AMPH: variants seen among roughly 807,000 people sequenced by gnomAD.
AMPH encodes the protein amphiphysin (Stiff-Mann syndrome with breast cancer 128kD autoantigen).
AMPH carries 49 observed loss-of-function variants against 99.1 expected under a neutral mutation model. The observed-to-expected ratio is 0.49, with a 90% confidence interval of 0.39 to 0.63. The LOEUF is 0.63. Among genes scored for constraint, AMPH ranks in the 20% least tolerant of loss-of-function variants. The probability of loss-of-function intolerance (pLI) is 0.00; values close to 1 mark genes in which losing one functional copy is unlikely to be tolerated. For synonymous variants in AMPH, 314 were observed against 317.3 expected (o/e 0.99, Z 0.11); for missense variants, 759 against 863.4 (o/e 0.88, Z 1.52).
chr7:38,418,041 G>A, intron 16 of AMPH, 91 bp from the exon 17 acceptor site: 2 of 1,428,756 alleles, frequency 1.4e-6, no homozygotes, highest in East Asian at 4.9e-5. Context: ...GATTTTCTTT[G>A]TCATCCCATA....
intron 11 of AMPH, among the ~76,000 whole-genome samples, chr7:38,449,239 T>C (rs932116375): frequency 6.6e-5 from 10 of 152,184 alleles, no homozygotes; most frequent in African/African-American, 1.7e-4. Flanking sequence ...GAAAGAGTGA[T>C]ATCGATTTGT....
In AMPH at chr7:38,512,638, C is replaced by T. The variant is rs375241944; in HGVS notation, c.151-8934G>A. Among the ~76,000 whole-genome samples the T allele has an allele frequency of 2.3e-4, 35 of 152,244 alleles. 1 individual carries two copies. In the South Asian group the frequency reaches 6.8e-3, roughly 30 times the overall value. On this transcript the variant is annotated intron_variant, in intron 2 of 20. Transcript: ENST00000356264. ...TAAAAGGAAACCATCAGAGAAATAA[C>T]ATGAAGAGCTTCCTCTAGGAGTGAT... is the stretch of plus-strand genomic sequence containing the variant.
At chr7:38,586,565 T>C (rs1792655576) in intron 1 of AMPH, among the ~76,000 whole-genome samples, 1 of 151,938 alleles carries the variant, frequency 6.6e-6, no homozygotes, top group Non-Finnish European at 1.5e-5. Context: ...TCTTTTCTCA[T>C]ATATATATAT....
rs555958770 is a variant in AMPH, at chr7:38,456,336, C to T, written c.1017+4947G>A. On this transcript the variant is annotated intron_variant, in intron 11 of 20. Transcript: ENST00000356264. The stretch of plus-strand genomic sequence containing the variant: ...CAGTGTGGTGCCTCCTACACCTGAA[C>T]ATTTTGTCAGCAGGCTGGAAACCAC... Among the ~76,000 whole-genome samples, 165 of 152,280 alleles carry T rather than the reference C, an allele frequency of 1.1e-3. 1 individual carries two copies. The highest frequency in any genetic ancestry group is 3.5e-3 in the African/African-American group (145 of 41,564).
At chr7:38,420,825 G>A (rs1201418618) in intron 16 of AMPH, 1 of 391,860 alleles carries the variant, frequency 2.6e-6, no homozygotes, top group East Asian at 7.3e-5. Flanking sequence ...ATTCAAAAGG[G>A]TTTAAACCTG....
chr7:38,616,242 G>A (rs756418756), intron 1 of AMPH, among the ~76,000 whole-genome samples: 3 of 152,078 alleles, frequency 2.0e-5, no homozygotes, highest in Non-Finnish European at 2.9e-5. Flanking sequence ...ACGTCCCTAC[G>A]ATTATGTGTG....
At position 38,426,960 on chromosome 7, in the gene AMPH, G is replaced by A; in HGVS notation, c.1209C>T (p.Phe403=). The change falls in exon 15 of 21, where the codon TTC becomes TTT. Residue 403 remains phenylalanine (F), a synonymous_variant. Coordinates refer to ENST00000356264, the MANE Select transcript of AMPH (RefSeq NM_001635.4). The part of the protein sequence containing the change: ...QPASGGSFNG[F]TQPQDTSLFT... ...AAGAAAACAGATTCCTTACCTGTGT[G>A]AATCCATTAAATGAACCACCAGAAG... 1 of 1,612,876 alleles carries A rather than the reference G, an allele frequency of 6.2e-7. No homozygotes were observed. The highest frequency in any genetic ancestry group is 8.5e-7 in the Non-Finnish European group (1 of 1,179,166).
At chr7:38,520,331 T>C (rs1485204732) in intron 2 of AMPH, among the ~76,000 whole-genome samples, 1 of 152,210 alleles carries the variant, frequency 6.6e-6, no homozygotes, top group Non-Finnish European at 1.5e-5. Context: ...CATTTATAAA[T>C]GTTTTGCATG....
chr7:38,385,108 A>G (rs1311106122), intron 20 of AMPH, among the ~76,000 whole-genome samples, 183 bp from the exon 21 acceptor site: 1 of 152,048 alleles, frequency 6.6e-6, no homozygotes, highest in African/African-American at 2.4e-5. Flanking sequence ...AGTTAAAAAA[A>G]AAAAGAAAAA....
chr7:38,435,966 A>G (rs1312685905), intron 12 of AMPH, among the ~76,000 whole-genome samples: 1 of 152,172 alleles, frequency 6.6e-6, no homozygotes, highest in East Asian at 1.9e-4. Flanking sequence ...GAAACCATAA[A>G]ATGTATCCTG....
chr7:38,574,921 G>A (rs529455601), intron 1 of AMPH, among the ~76,000 whole-genome samples: 5 of 151,982 alleles, frequency 3.3e-5, no homozygotes, highest in Non-Finnish European at 5.9e-5. Flanking sequence ...GGGCATGGTG[G>A]CACACACCTA....
At position 38,534,986 on chromosome 7, in the gene AMPH, T is replaced by A. The variant is rs141452785; in HGVS notation, c.95A>T (p.Asp32Val). Residue 32 changes from aspartate (D) to valine (V), a missense_variant, in exon 2 of 21, where the codon GAT becomes GTT. By Grantham distance (152) the Asp-to-Val change is radical. Around this residue, in one of 2 missense-constraint regions of AMPH, gnomAD observed 205 missense variants for 287.9 expected, o/e 0.71. Coordinates refer to ENST00000356264, the MANE Select transcript of AMPH (RefSeq NM_001635.4). ...TTCGAACTGTTCGTCTTTTGTCTCA[T>A]CAGCTTTCCCCAGCTTTTGGAGGAC... Reference protein sequence around the residue: ...EKVLQKLGKADETKDEQFEEY... With the variant: ...EKVLQKLGKAVETKDEQFEEY... The A allele has an allele frequency of 3.3e-5, 54 of 1,614,046 alleles. No individual in the cohort carries two copies. The highest frequency in any genetic ancestry group is 4.6e-5 in the Non-Finnish European group (54 of 1,180,016).
chr7:38,420,651 G>A (rs1045844024), intron 16 of AMPH, among the ~76,000 whole-genome samples: 4 of 152,078 alleles, frequency 2.6e-5, no homozygotes, highest in African/African-American at 4.8e-5. Flanking sequence ...GATGAAAGGC[G>A]GGTCAATACA....
intron 17 of AMPH, among the ~76,000 whole-genome samples, chr7:38,400,352 A>G (rs978156558): frequency 2.6e-5 from 4 of 152,224 alleles, no homozygotes; most frequent in Non-Finnish European, 5.9e-5. Context: ...TGCTGGGATT[A>G]CAGGAATGAG....
At chr7:38,402,621 T>C (rs1396079883) in intron 17 of AMPH, among the ~76,000 whole-genome samples, 3 of 152,232 alleles carry the variant, frequency 2.0e-5, no homozygotes, top group Non-Finnish European at 4.4e-5. Flanking sequence ...TCAAAGGATA[T>C]ACTTCTGTGA....
At chr7:38,483,934 A>T (rs1347435184) in intron 5 of AMPH, among the ~76,000 whole-genome samples, 6 of 152,112 alleles carry the variant, frequency 3.9e-5, no homozygotes, top group African/African-American at 1.4e-4. Flanking sequence ...GAAAATATCA[A>T]ACAGAAATGA....
chr7:38,392,159 C>T (rs952143303), intron 18 of AMPH, 142 bp from the exon 19 acceptor site: 6 of 777,998 alleles, frequency 7.7e-6, no homozygotes, highest in Middle Eastern at 3.8e-4. Context: ...CAGGTCTGGG[C>T]CTTCCGCTGT....
chr7:38,518,232 A>G (rs1789825186), intron 2 of AMPH, among the ~76,000 whole-genome samples: 1 of 152,216 alleles, frequency 6.6e-6, no homozygotes, highest in Non-Finnish European at 1.5e-5. Context: ...AATATTTCAA[A>G]GGATTTCATA....
At chr7:38,520,340 T>C (rs1204900158) in intron 2 of AMPH, among the ~76,000 whole-genome samples, 1 of 152,216 alleles carries the variant, frequency 6.6e-6, no homozygotes, top group African/African-American at 2.4e-5. Flanking sequence ...ATGTTTTGCA[T>C]GTATAGTCAT....
Sources: gnomAD v4.1 joint callset for allele counts (sites outside exome capture counted in the v4.1 genomes callset) on GRCh38, gnomAD v4.1.1 for gene constraint, gnomAD v4.1.1 regional missense constraint, MANE v1.5 for transcripts, NCBI Gene and HGNC (gene_info 2026-07-23, HGNC 2026-07-21) for gene names.